IFT80: variants seen among roughly 807,000 people sequenced by gnomAD.
The protein encoded by IFT80 is intraflagellar transport 80, also known as intraflagellar transport protein 80 homolog.
IFT80 carries 79 observed loss-of-function variants against 107.9 expected under a neutral mutation model. The ratio of observed to expected loss-of-function variants is 0.73; its 90% CI spans 0.61 to 0.88. The LOEUF (loss-of-function observed/expected upper bound fraction) is 0.88, where lower values mean the gene tolerates loss of function less well. Ranked by LOEUF, IFT80 falls within the 40% of genes least tolerant of loss-of-function variation. IFT80 has a pLI of 0.00. For missense variants in IFT80, 797 were observed against 914.2 expected (o/e 0.87, Z 1.65); for synonymous variants, 299 against 300.9 (o/e 0.99, Z 0.07).
At chr3:160,268,004 A>C (rs1379422756) in intron 19 of IFT80, among the ~76,000 whole-genome samples, 1 of 152,210 alleles carries the variant, frequency 6.6e-6, no homozygotes, top group African/African-American at 2.4e-5. Flanking sequence ...CTAGCTTTCT[A>C]GAATTCTACA....
At chr3:160,282,659 G>C (rs1714776881) in intron 13 of IFT80, 46 bp from the exon 14 acceptor site, 1 of 1,115,878 alleles carries the variant, frequency 9.0e-7, no homozygotes, top group Non-Finnish European at 1.3e-6. Context: ...TTTAGTGTTT[G>C]ACATAAGATC....
In IFT80 at chr3:160,304,084, A is replaced by G. The variant is rs1029770753; in HGVS notation, c.1077-95T>C. ...TATTCATTTTAAATAAAGTTACTTC[A>G]GTTTCATAGCAATTATATACATACT... On this transcript the variant is annotated intron_variant, in intron 10 of 19. Transcript: ENST00000326448. The G allele has an allele frequency of 8.5e-6, 7 of 825,132 alleles. No individual in the cohort carries two copies. In the African/African-American group the frequency reaches 1.2e-4, roughly 14 times the overall value. 51.1% of individuals were successfully genotyped at this position (825,132 alleles called of 1,614,324 possible).
In IFT80 at chr3:160,277,890, G is replaced by A. The variant is rs1333802365; in HGVS notation, c.1837-220C>T. 3.2e-4 allele frequency among the ~76,000 whole-genome samples: 48 copies of A among 151,868 alleles called. 1 individual carries two copies. The highest frequency in any genetic ancestry group is 4.4e-5 in the Non-Finnish European group (3 of 68,000). ...ACTTTTGAATGAAATTTTCAATTTTGAGTTATTAAGGATTTATTTCTGAAT... is the reference window on the plus strand; with the variant it reads ...ACTTTTGAATGAAATTTTCAATTTTAAGTTATTAAGGATTTATTTCTGAAT... On this transcript the variant is annotated intron_variant, in intron 16 of 19. Transcript: ENST00000326448.
chr3:160,293,893 C>T (rs1234242968), intron 12 of IFT80, among the ~76,000 whole-genome samples: 2 of 152,176 alleles, frequency 1.3e-5, no homozygotes, highest in East Asian at 3.8e-4. Flanking sequence ...AAAGTATTCT[C>T]TAGACACCAA....
At chr3:160,332,016 A>G (rs916852652) in intron 8 of IFT80, among the ~76,000 whole-genome samples, 11 of 151,596 alleles carry the variant, frequency 7.3e-5, no homozygotes, top group South Asian at 4.2e-4. Flanking sequence ...AAAATTTCCC[A>G]GTCTGGATTT....
At chr3:160,265,732 T>C (rs1184606528) in intron 19 of IFT80, among the ~76,000 whole-genome samples, 1 of 152,212 alleles carries the variant, frequency 6.6e-6, no homozygotes, top group Admixed American at 6.5e-5. Flanking sequence ...TCTTCCCTTA[T>C]GGTAGATTCC....
intron 12 of IFT80, among the ~76,000 whole-genome samples, chr3:160,294,766 C>T (rs1029331634): frequency 1.3e-5 from 2 of 152,190 alleles, no homozygotes; most frequent in Admixed American, 1.3e-4. Flanking sequence ...CTAAGCTAAG[C>T]TCCCAGTCTG....
chr3:160,355,814 C>T (rs931636392), intron 8 of IFT80, among the ~76,000 whole-genome samples, 199 bp downstream of exon 8: 7 of 152,168 alleles, frequency 4.6e-5, no homozygotes, highest in East Asian at 1.9e-4. Flanking sequence ...TAGTAGAGAT[C>T]GTGCCCATGC....
In IFT80 at chr3:160,396,284, A is replaced by G. The variant is rs985207322; in HGVS notation, c.-47+2862T>C. Among the ~76,000 whole-genome samples the G allele has an allele frequency of 2.0e-5, 3 of 152,148 alleles. No individual in the cohort carries two copies. The South Asian group carries it at 6.2e-4, about 32-fold the overall frequency. On this transcript the variant is annotated intron_variant, in intron 1 of 19. Transcript: ENST00000326448. ...ATTCACTTCTATCTGCACTGTGTCT[A>G]TATCTAATTTATTAATCTTGAACAA...
intron 12 of IFT80, among the ~76,000 whole-genome samples, chr3:160,289,162 G>A (rs547456682): frequency 1.3e-5 from 2 of 152,260 alleles, no homozygotes; most frequent in South Asian, 2.1e-4. Flanking sequence ...TTGTGGGAAC[G>A]TTGATGGAGC....
rs754091712 is a variant in IFT80 at position 160,384,573 on chromosome 3, C to G, written c.28G>C (p.Glu10Gln). 1 of 1,508,786 alleles carries G rather than the reference C, an allele frequency of 6.6e-7. No individual in the cohort carries two copies. Among genetic ancestry groups the G allele is most frequent in the Non-Finnish European group, 9.2e-7 (1 of 1,085,844 alleles). The allele number at this position is 1,508,786 out of a possible 1,614,324, so 93.5% of individuals were successfully genotyped here. MRLKISLLK[E>Q]PKHQELVSCV... ...AGCATTAAAAGGATATGCTTTGGTT[C>G]TTTTAAAAGAGATATCTTTAGTCTC... is the stretch of plus-strand genomic sequence containing the variant. The change falls in exon 2 of 20, where the codon GAA (glutamate) becomes CAA (glutamine). Residue 10 changes from glutamate to glutamine, a missense_variant. Transcript: ENST00000326448.
Position 160,286,009 on chromosome 3 carries a change from A to AT in IFT80, c.1316-142dup, listed in dbSNP as rs1303487915. The AT allele has an allele frequency of 5.1e-6, 3 of 585,026 alleles. No homozygotes were observed. In the Admixed American group the frequency reaches 9.3e-5, roughly 18 times the overall value. 36.2% of individuals were successfully genotyped at this position (585,026 alleles called of 1,614,324 possible). A position where few individuals can be genotyped will look rare whatever the true frequency, so the allele number is the denominator to read the frequency against. ...GAGCAGCAGCATCCAATTTTAATTT[A>AT]TTAATGTGGTCACATTTCTTATGAA... On this transcript the variant is annotated intron_variant, in intron 12 of 19. Transcript: ENST00000326448.
At chr3:160,335,245 T>G (rs530543787) in intron 8 of IFT80, among the ~76,000 whole-genome samples, 2 of 151,762 alleles carry the variant, frequency 1.3e-5, no homozygotes, top group South Asian at 4.2e-4. Context: ...TTTTTTTTTT[T>G]TTTGAGACGG....
chr3:160,277,489 AAAG>A lies in IFT80; in HGVS notation c.1927-14_1927-12del. 2 of 1,595,226 alleles carry A rather than the reference AAAG, an allele frequency of 1.3e-6. No homozygotes were observed. The highest frequency in any genetic ancestry group is 1.7e-6 in the Non-Finnish European group (2 of 1,163,822). On this transcript the variant is annotated splice_polypyrimidine_tract_variant and intron_variant, in intron 17 of 19. Coordinates refer to ENST00000326448, the MANE Select transcript of IFT80 (RefSeq NM_020800.3). Reference sequence around the variant, plus strand: ...CTGAACCTTATCAATCTAAAAAAGAAAAGAAAAATATTGAAGTAGATAGTAACA... The same window carrying A: ...CTGAACCTTATCAATCTAAAAAAGAAAAAAATATTGAAGTAGATAGTAACA...
At position 160,292,197 on chromosome 3, in the gene IFT80, C is replaced by T. The variant is rs190817987; in HGVS notation, c.1316-6329G>A. 1.1e-4 allele frequency among the ~76,000 whole-genome samples: 16 copies of T among 152,276 alleles called. No homozygotes were observed. The East Asian group carries it at 3.1e-3, about 29-fold the overall frequency. Reference sequence around the variant, plus strand: ...GGTAGCCTGGCACATACTGAGGGAACTATAAAAGAACCAGCAGAGAACATA... The same window carrying T: ...GGTAGCCTGGCACATACTGAGGGAATTATAAAAGAACCAGCAGAGAACATA... On this transcript the variant is annotated intron_variant, in intron 12 of 19. Coordinates refer to ENST00000326448, the MANE Select transcript of IFT80 (RefSeq NM_020800.3).
At chr3:160,323,343 T>C (rs1482157658) in intron 8 of IFT80, among the ~76,000 whole-genome samples, 6 of 150,898 alleles carry the variant, frequency 4.0e-5, no homozygotes, top group Non-Finnish European at 8.9e-5. Flanking sequence ...GATCAGATAG[T>C]TGTAGATATG....
chr3:160,381,805 A>G, intron 2 of IFT80, 81 bp from the exon 3 acceptor site: 1 of 1,105,568 alleles, frequency 9.0e-7, no homozygotes, highest in East Asian at 2.4e-5. Flanking sequence ...ATTATAAGGT[A>G]TAAGTAAAAT....
intron 19 of IFT80, among the ~76,000 whole-genome samples, chr3:160,263,795 G>A (rs1473464781): frequency 1.3e-5 from 2 of 151,884 alleles, no homozygotes; most frequent in Non-Finnish European, 2.9e-5. Flanking sequence ...TCCTGCCTCA[G>A]CCTCCCGAGT....
intron 8 of IFT80, among the ~76,000 whole-genome samples, chr3:160,338,657 G>C (rs1719665204): frequency 1.3e-5 from 2 of 151,284 alleles, no homozygotes; most frequent in Admixed American, 6.6e-5. Flanking sequence ...GGACCTGAAG[G>C]AGATGAGTGA....
Sources: gnomAD v4.1 joint callset for allele counts (sites outside exome capture counted in the v4.1 genomes callset) on GRCh38, gnomAD v4.1.1 for gene constraint, MANE v1.5 for transcripts, NCBI Gene and HGNC (gene_info 2026-07-23, HGNC 2026-07-21) for gene names.